Variants in FRMD3 observed in about 807,000 individuals in gnomAD.
FRMD3 encodes the protein FERM domain containing 3.
A neutral mutation model predicts 70.2 loss-of-function variants in FRMD3; 33 were observed. The observed-to-expected ratio is 0.47, with a 90% confidence interval of 0.36 to 0.63. FRMD3 has a LOEUF of 0.63. Among genes scored for constraint, FRMD3 ranks in the 20% least tolerant of loss-of-function variants. The pLI, the probability that FRMD3 is intolerant of heterozygous loss-of-function variation, is 0.00. For synonymous variants in FRMD3, 279 were observed against 255.9 expected, an observed-to-expected ratio of 1.09 and a Z score of -0.86; for missense variants, 632 against 711.4, an observed-to-expected ratio of 0.89 and a Z score of 1.27.
chr9:83,401,588 C>T (rs1366084272), intron 1 of FRMD3, among the ~76,000 whole-genome samples: 1 of 152,228 alleles, frequency 6.6e-6, no homozygotes, highest in South Asian at 2.1e-4. Flanking sequence ...TTATTTCTCA[C>T]TTAGTATGCA....
intron 1 of FRMD3, among the ~76,000 whole-genome samples, chr9:83,423,585 C>CCTTTTTT (rs1826706917): frequency 1.7e-5 from 1 of 60,490 alleles, no homozygotes; most frequent in Non-Finnish European, 3.0e-5. Context: ...AGCCCTGTTT[C>CCTTTTTT]TTTTTTTTTT....
At chr9:83,542,051 G>A (rs1014288128), upstream of FRMD3, among the ~76,000 whole-genome samples, 1 of 152,068 alleles carries the variant, frequency 6.6e-6, no homozygotes, top group Admixed American at 6.6e-5. Context: ...TAGCTGGGAT[G>A]ACAGGCAACA....
chr9:83,489,010 G>A (rs1247828143), intron 1 of FRMD3, among the ~76,000 whole-genome samples: 2,198 of 123,540 alleles, frequency 0.018, 56 homozygotes, highest in African/African-American at 0.062. Context: ...GTGTGTGTGT[G>A]TGTGTGCTTG....
At chr9:83,567,512 C>T in the FRMD3 span, among the ~76,000 whole-genome samples, 2,985 of 152,284 alleles carry the variant, frequency 0.02, 101 homozygotes, top group African/African-American at 0.067. Flanking sequence ...TTCTTTTCTA[C>T]GGCATCATCG....
chr9:83,383,229 T>TG (rs1389376855), intron 2 of FRMD3, among the ~76,000 whole-genome samples: 2 of 152,218 alleles, frequency 1.3e-5, no homozygotes, highest in Admixed American at 1.3e-4. Context: ...CAACACCATG[T>TG]GGGGCAGAAG....
chr9:83,280,754 T>C (rs1833951758), intron 13 of FRMD3, among the ~76,000 whole-genome samples: 1 of 152,232 alleles, frequency 6.6e-6, no homozygotes, highest in African/African-American at 2.4e-5. Context: ...TTATAAAACC[T>C]ATACAACAGA....
chr9:83,529,130 G>T, intron 1 of FRMD3, among the ~76,000 whole-genome samples: 1 of 152,178 alleles, frequency 6.6e-6, no homozygotes, highest in East Asian at 1.9e-4. Flanking sequence ...CACACATCTT[G>T]TAGCCTCTAG....
intron 2 of FRMD3, among the ~76,000 whole-genome samples, chr9:83,380,008 C>T (rs1166598064): frequency 6.6e-6 from 1 of 152,180 alleles, no homozygotes; most frequent in African/African-American, 2.4e-5. Flanking sequence ...GGAAACACTT[C>T]CTAACAAATC....
chr9:83,528,076 T>C (rs1037475019), intron 1 of FRMD3, among the ~76,000 whole-genome samples: 1 of 152,214 alleles, frequency 6.6e-6, no homozygotes, highest in Non-Finnish European at 1.5e-5. Context: ...TTCAAGTGAC[T>C]AATGGGCCTG....
chr9:83,283,371 A>C (rs1339475107), intron 13 of FRMD3, among the ~76,000 whole-genome samples: 1 of 152,004 alleles, frequency 6.6e-6, no homozygotes, highest in African/African-American at 2.4e-5. Flanking sequence ...TCTACAAAAA[A>C]TACAAAAAAA....
the FRMD3 span, among the ~76,000 whole-genome samples, chr9:83,568,947 GATAGATAGATACATAC>G: frequency 1.4e-4 from 14 of 103,106 alleles, no homozygotes; most frequent in South Asian, 6.6e-4. Flanking sequence ...TAGATAGATA[GATAGATAGATACATAC>G]ATACATACAT....
intron 1 of FRMD3, among the ~76,000 whole-genome samples, chr9:83,484,202 A>G (rs1828633949): frequency 1.3e-5 from 2 of 152,198 alleles, no homozygotes; most frequent in South Asian, 4.1e-4. Flanking sequence ...GTGTTTCCAC[A>G]CTAGCCATAA....
At chr9:83,357,245 ACATATATATATATATATATATATAT>A (rs1564032575) in intron 3 of FRMD3, among the ~76,000 whole-genome samples, 100 of 6,494 alleles carry the variant, frequency 0.015, 5 homozygotes, top group Non-Finnish European at 0.025. Flanking sequence ...TATAATACAT[ACATATATATATATATATATATATAT>A]ATATATATAT....
chr9:83,274,821 A>C (rs1431582187), intron 13 of FRMD3, among the ~76,000 whole-genome samples: 2 of 152,192 alleles, frequency 1.3e-5, no homozygotes, highest in East Asian at 3.9e-4. Context: ...GGAGATCAAT[A>C]AGAAAGATGT....
intron 1 of FRMD3, among the ~76,000 whole-genome samples, chr9:83,424,095 G>A (rs1205584085): frequency 6.6e-6 from 1 of 152,178 alleles, no homozygotes; most frequent in Non-Finnish European, 1.5e-5. Context: ...GTAGTCTGGG[G>A]AGGGGCCTGA....
At position 83,247,736 on chromosome 9, in the gene FRMD3, G is replaced by A; in HGVS notation, c.*182C>T. On this transcript the variant is annotated 3_prime_UTR_variant, in exon 14 of 14. Transcript: ENST00000304195. ...TTCCTAACCTGTAACTAAAATAACT[G>A]TATTTGATTTAAACTTATTTAAGTG... The A allele has an allele frequency of 7.0e-7, 1 of 1,438,806 alleles. No homozygotes were observed. Among genetic ancestry groups the A allele is most frequent in the Non-Finnish European group, 9.1e-7 (1 of 1,095,742 alleles). 89.1% of individuals were successfully genotyped at this position (1,438,806 alleles called of 1,614,324 possible).
the FRMD3 span, among the ~76,000 whole-genome samples, chr9:83,558,288 A>G: frequency 2.0e-5 from 3 of 150,880 alleles, no homozygotes; most frequent in East Asian, 3.9e-4. Flanking sequence ...GCGCGCGCGC[A>G]CGCACATGTG....
intron 1 of FRMD3, among the ~76,000 whole-genome samples, chr9:83,441,830 A>G (rs866752755): frequency 6.6e-6 from 1 of 152,018 alleles, no homozygotes; most frequent in African/African-American, 2.4e-5. Context: ...CTGCCTTTAC[A>G]TACAAACAGA....
chr9:83,309,472 C>A, intron 10 of FRMD3, 64 bp downstream of exon 10: 2 of 966,662 alleles, frequency 2.1e-6, no homozygotes, highest in Non-Finnish European at 3.1e-6. Flanking sequence ...CAGCCATTTG[C>A]AAAACATAAA....
Sources: allele counts gnomAD v4.1 joint callset (sites outside exome capture counted in the v4.1 genomes callset), GRCh38; gene constraint gnomAD v4.1.1; transcripts MANE v1.5; gene names NCBI Gene and HGNC (gene_info 2026-07-23, HGNC 2026-07-21).